CAMK2D: variants seen among roughly 807,000 people sequenced by gnomAD.
CAMK2D encodes calcium/calmodulin-dependent protein kinase type II subunit delta.
Under a neutral mutation model 84.0 loss-of-function variants are expected in CAMK2D, and 37 were observed. The observed-to-expected ratio is 0.44, with a 90% CI of 0.34 to 0.58. The LOEUF (loss-of-function observed/expected upper bound fraction) is 0.58. Ranked by LOEUF, CAMK2D falls within the 20% of genes least tolerant of loss-of-function variation. The pLI, the probability that CAMK2D is intolerant of heterozygous loss-of-function variation, is 0.02. For missense variants in CAMK2D, 448 were observed against 652.5 expected (o/e 0.69, Z 3.41); for synonymous variants, 202 against 212.5 (o/e 0.95, Z 0.43).
intron 2 of CAMK2D, among the ~76,000 whole-genome samples, chr4:113,673,722 A>C (rs1177190206): frequency 6.6e-6 from 1 of 152,242 alleles, no homozygotes; most frequent in Non-Finnish European, 1.5e-5. Flanking sequence ...GTCAGGTGAC[A>C]AAGAGTGTCA....
At chr4:113,719,402 T>C (rs766530855) in intron 2 of CAMK2D, among the ~76,000 whole-genome samples, 1 of 152,320 alleles carries the variant, frequency 6.6e-6, no homozygotes, top group Non-Finnish European at 1.5e-5. Flanking sequence ...TGTTTTCCTG[T>C]TCTTGCTCAA....
intron 8 of CAMK2D, among the ~76,000 whole-genome samples, chr4:113,526,212 C>T (rs927405505): frequency 6.6e-6 from 1 of 152,206 alleles, no homozygotes; most frequent in African/African-American, 2.4e-5. Flanking sequence ...CTAGACAAAG[C>T]GTCCACACAG....
intron 2 of CAMK2D, among the ~76,000 whole-genome samples, chr4:113,740,975 A>G (rs988234444): frequency 6.6e-6 from 1 of 151,960 alleles, no homozygotes; most frequent in Non-Finnish European, 1.5e-5. Flanking sequence ...GCATGATAAA[A>G]TCTTGTAACA....
At chr4:113,713,689 A>G (rs905628127) in intron 2 of CAMK2D, among the ~76,000 whole-genome samples, 37 of 151,296 alleles carry the variant, frequency 2.4e-4, no homozygotes, top group Admixed American at 3.3e-4. Flanking sequence ...ACTTCAATCA[A>G]TTCTTATGTG....
At chr4:113,730,952 C>A (rs184559429) in intron 2 of CAMK2D, among the ~76,000 whole-genome samples, 1 of 152,168 alleles carries the variant, frequency 6.6e-6, no homozygotes, top group Admixed American at 6.5e-5. Context: ...AGTCTTGTAA[C>A]CAGAAACACA....
chr4:113,610,828 C>T (rs2098996995), intron 3 of CAMK2D, among the ~76,000 whole-genome samples: 1 of 152,098 alleles, frequency 6.6e-6, no homozygotes, highest in Non-Finnish European at 1.5e-5. Context: ...CATATTTTAT[C>T]TTTATTTACT....
intron 4 of CAMK2D, among the ~76,000 whole-genome samples, chr4:113,553,517 AGT>A (rs2098644288): frequency 1.3e-5 from 2 of 152,366 alleles, no homozygotes; most frequent in African/African-American, 4.8e-5. Flanking sequence ...AGAGATCACC[AGT>A]TAGTATTCTC....
intron 3 of CAMK2D, among the ~76,000 whole-genome samples, chr4:113,615,080 T>C (rs2099015890): frequency 6.6e-6 from 1 of 152,068 alleles, no homozygotes; most frequent in Non-Finnish European, 1.5e-5. Flanking sequence ...AAGATTGAGG[T>C]AGTTGGATTT....
chr4:113,744,072 C>T (rs1239662354), intron 2 of CAMK2D, among the ~76,000 whole-genome samples: 3 of 152,106 alleles, frequency 2.0e-5, no homozygotes, highest in Admixed American at 6.5e-5. Flanking sequence ...GATCTCCTGA[C>T]CTCGCGATCC....
intron 6 of CAMK2D, among the ~76,000 whole-genome samples, chr4:113,546,902 A>G (rs929635097): frequency 2.0e-5 from 3 of 152,150 alleles, no homozygotes; most frequent in African/African-American, 7.2e-5. Context: ...AATGATCTAA[A>G]AATTCTCTGT....
At chr4:113,478,186 G>A (rs951449107) in intron 16 of CAMK2D, among the ~76,000 whole-genome samples, 45 of 152,128 alleles carry the variant, frequency 3.0e-4, no homozygotes, top group Non-Finnish European at 4.4e-5. Context: ...TGACTACAAA[G>A]GTTATCGCTG....
intron 4 of CAMK2D, among the ~76,000 whole-genome samples, chr4:113,588,595 T>G (rs921930371): frequency 1.9e-4 from 29 of 152,208 alleles, no homozygotes; most frequent in African/African-American, 6.5e-4. Context: ...TAGTTGGCAC[T>G]GAGGCACCAT....
At chr4:113,552,349 T>C (rs1437490232) in intron 4 of CAMK2D, among the ~76,000 whole-genome samples, 1 of 152,204 alleles carries the variant, frequency 6.6e-6, no homozygotes, top group African/African-American at 2.4e-5. Flanking sequence ...GCAATATCTT[T>C]CGCAGAAAAT....
chr4:113,561,634 C>T (rs1295113973), intron 4 of CAMK2D, among the ~76,000 whole-genome samples: 1 of 152,156 alleles, frequency 6.6e-6, no homozygotes, highest in Non-Finnish European at 1.5e-5. Flanking sequence ...TTAAGTCAAT[C>T]TAGACATTTT....
chr4:113,572,667 CT>C (rs540922123), intron 4 of CAMK2D, among the ~76,000 whole-genome samples: 142 of 152,218 alleles, frequency 9.3e-4, no homozygotes, highest in East Asian at 5.6e-3. Context: ...AAGAGAAACC[CT>C]TATGCGTTGT....
Position 113,547,524 on chromosome 4 carries a change from C to T in CAMK2D, c.414+120G>A, listed in dbSNP as rs1859154. On this transcript the variant is annotated intron_variant, in intron 6 of 20. Coordinates refer to ENST00000511664, the MANE Select transcript of CAMK2D (RefSeq NM_001321571.2). ...GTGGTGAGGGAAAGTTCCTGAGTAACGTGCTGGAATAAGTCCACACAACTT... is the reference window on the plus strand; with the variant it reads ...GTGGTGAGGGAAAGTTCCTGAGTAATGTGCTGGAATAAGTCCACACAACTT... 2.6e-3 allele frequency: 1,334 copies of T among 504,698 alleles called. 18 individuals are homozygous for T. Among genetic ancestry groups the T allele is most frequent in the African/African-American group, 0.024 (1,229 of 51,130 alleles). The allele number at this position is 504,698 out of a possible 1,614,324, so 31.3% of individuals were successfully genotyped here.
intron 4 of CAMK2D, among the ~76,000 whole-genome samples, chr4:113,570,390 C>T (rs889445360): frequency 1.3e-5 from 2 of 152,106 alleles, no homozygotes; most frequent in African/African-American, 4.8e-5. Flanking sequence ...TATCTGATTT[C>T]AAATTCTATT....
At chr4:113,500,391 T>G in intron 16 of CAMK2D, 72 bp downstream of exon 16, 1 of 866,652 alleles carries the variant, frequency 1.2e-6, no homozygotes, top group South Asian at 1.7e-5. Flanking sequence ...ATTAGTTATT[T>G]GAAGCACTTT....
At chr4:113,703,842 G>A (rs1358879173) in intron 2 of CAMK2D, among the ~76,000 whole-genome samples, 2 of 150,994 alleles carry the variant, frequency 1.3e-5, no homozygotes, top group South Asian at 2.1e-4. Flanking sequence ...CTATTTTATA[G>A]AAAGCACAAA....
Sources: allele counts gnomAD v4.1 joint callset (sites outside exome capture counted in the v4.1 genomes callset), GRCh38; gene constraint gnomAD v4.1.1; transcripts MANE v1.5; gene names NCBI Gene and HGNC (gene_info 2026-07-23, HGNC 2026-07-21).